The following NALCN variants were observed in gnomAD, a reference collection of about 807,000 sequenced individuals.
The protein encoded by NALCN is sodium leak channel NALCN.
A neutral mutation model predicts 225.3 loss-of-function variants in NALCN; 111 were observed. The ratio of observed to expected loss-of-function variants is 0.49; its 90% CI spans 0.42 to 0.58. The LOEUF (loss-of-function observed/expected upper bound fraction) is 0.58, where lower values mean the gene tolerates loss of function less well. Among genes scored for constraint, NALCN ranks in the 20% least tolerant of loss-of-function variants. The pLI is 0.00. For synonymous variants in NALCN, 764 were observed against 769.0 expected, an observed-to-expected ratio of 0.99 and a Z score of 0.11; for missense variants, 1,378 against 2,202.4, an observed-to-expected ratio of 0.63 and a Z score of 7.49.
At chr13:101,397,647 T>C (rs1487216234) in intron 2 of NALCN, among the ~76,000 whole-genome samples, 1 of 151,388 alleles carries the variant, frequency 6.6e-6, no homozygotes, top group Non-Finnish European at 1.5e-5. Flanking sequence ...TGTATGTGTA[T>C]ATAACATGTA....
chr13:101,416,008 C>A (rs1310777204), intron 1 of NALCN, among the ~76,000 whole-genome samples: 1 of 152,096 alleles, frequency 6.6e-6, no homozygotes, highest in Non-Finnish European at 1.5e-5. Flanking sequence ...AGGGGCATCC[C>A]GCGGCAGGCG....
Position 101,143,117 on chromosome 13 carries a change from C to T in NALCN, c.2081G>A (p.Arg694His). 1.2e-6 allele frequency: 2 copies of T among 1,614,082 alleles called. No homozygotes were observed. Among genetic ancestry groups the T allele is most frequent in the Non-Finnish European group, 1.7e-6 (2 of 1,180,026 alleles). Residue 694 changes from arginine (R) to histidine (H), a missense_variant, in exon 17 of 44, where the codon CGC becomes CAC. By Grantham distance (29) the Arg-to-His change is conservative. Around this residue, in one of 19 missense-constraint regions of NALCN, gnomAD observed 100 missense variants for 89.4 expected, o/e 1.12. Transcript: ENST00000251127. ...GTATTTGTTGTCCTCAATTGCTGAGCGTTTGGAGTGGTCGCAGGAGGAGGA... is the reference window on the plus strand; with the variant it reads ...GTATTTGTTGTCCTCAATTGCTGAGTGTTTGGAGTGGTCGCAGGAGGAGGA... ...TSSSSCDHSK[R>H]SAIEDNKYID... is the part of the protein sequence containing the mutation.
chr13:101,291,233 G>A lies in NALCN; in HGVS notation c.1047+757C>T, dbSNP rs567414308. On this transcript the variant is annotated intron_variant, in intron 9 of 43. Transcript: ENST00000251127. ...GATCTTTTTCATAGTTTATTGTACT[G>A]TGGTTTGTTCTGAATGAAATATATT... Among the ~76,000 whole-genome samples the A allele has an allele frequency of 1.2e-4, 18 of 152,300 alleles. 1 individual carries two copies. Among genetic ancestry groups the A allele is most frequent in the African/African-American group, 3.8e-4 (16 of 41,564 alleles).
At chr13:101,057,421 A>C (rs2031397811) in intron 43 of NALCN, 1 of 164,298 alleles carries the variant, frequency 6.1e-6, no homozygotes, top group Non-Finnish European at 1.3e-5. Flanking sequence ...ACTGGCATAC[A>C]GTGAGTACTA....
intron 6 of NALCN, among the ~76,000 whole-genome samples, chr13:101,347,506 A>C (rs2045778389): frequency 6.6e-6 from 1 of 152,190 alleles, no homozygotes; most frequent in African/African-American, 2.4e-5. Flanking sequence ...CAAATGATTC[A>C]TCTTTGCTTC....
At chr13:101,385,116 A>C (rs1251197381) in intron 3 of NALCN, among the ~76,000 whole-genome samples, 2 of 152,170 alleles carry the variant, frequency 1.3e-5, no homozygotes, top group East Asian at 1.9e-4. Context: ...TGATGCAGCC[A>C]GGTCTAGTTT....
At chr13:101,370,455 G>A (rs567520883) in intron 6 of NALCN, among the ~76,000 whole-genome samples, 3 of 152,228 alleles carry the variant, frequency 2.0e-5, no homozygotes, top group Non-Finnish European at 4.4e-5. Context: ...GCCCATGTGA[G>A]GCGGAAGACC....
chr13:101,290,508 C>A (rs142927314), intron 9 of NALCN, among the ~76,000 whole-genome samples: 63 of 152,274 alleles, frequency 4.1e-4, no homozygotes, highest in African/African-American at 1.5e-3. Flanking sequence ...TTCTTGAAGG[C>A]TTTTCTACAT....
intron 10 of NALCN, among the ~76,000 whole-genome samples, chr13:101,259,394 C>T (rs973336864): frequency 2.6e-5 from 4 of 151,902 alleles, no homozygotes; most frequent in South Asian, 2.1e-4. Flanking sequence ...AGTGCAGTGG[C>T]GTGATCTTGG....
At chr13:101,145,784 T>C (rs1339226254) in intron 15 of NALCN, among the ~76,000 whole-genome samples, 4 of 152,194 alleles carry the variant, frequency 2.6e-5, no homozygotes, top group African/African-American at 9.6e-5. Flanking sequence ...CCCTGTCTTC[T>C]GTCCCGGCTT....
chr13:101,363,759 G>T (rs1418034079), intron 6 of NALCN, among the ~76,000 whole-genome samples: 2 of 151,980 alleles, frequency 1.3e-5, no homozygotes, highest in African/African-American at 4.8e-5. Context: ...CAAAACTTCG[G>T]CACAGCAAAG....
At chr13:101,347,401 T>C (rs79844338) in intron 6 of NALCN, among the ~76,000 whole-genome samples, 3,114 of 152,264 alleles carry the variant, frequency 0.02, 116 homozygotes, top group African/African-American at 0.071. Flanking sequence ...AAGGCTCTAA[T>C]TGTGGAAATT....
chr13:101,310,521 C>A (rs2044303887), intron 7 of NALCN, among the ~76,000 whole-genome samples: 1 of 152,120 alleles, frequency 6.6e-6, no homozygotes, highest in Non-Finnish European at 1.5e-5. Context: ...TCATGGCCAC[C>A]TTATCTGAAA....
chr13:101,060,294 T>TTTTTTTTTA (rs1191589951), intron 41 of NALCN, among the ~76,000 whole-genome samples: 1 of 145,790 alleles, frequency 6.9e-6, no homozygotes, highest in African/African-American at 2.6e-5. Flanking sequence ...TTTTTTTTTT[T>TTTTTTTTTA]AGATAGGATC....
intron 37 of NALCN, among the ~76,000 whole-genome samples, chr13:101,072,189 C>T (rs538740741): frequency 2.0e-4 from 31 of 152,224 alleles, no homozygotes; most frequent in Admixed American, 5.9e-4. Context: ...TGATACAGAA[C>T]CAGAAAGTGA....
intron 11 of NALCN, among the ~76,000 whole-genome samples, chr13:101,247,215 A>C (rs2041922648): frequency 6.6e-6 from 1 of 152,192 alleles, no homozygotes; most frequent in Non-Finnish European, 1.5e-5. Flanking sequence ...CAACTACCCA[A>C]GGCTAAGACC....
chr13:101,245,979 G>T (rs1480200350), intron 11 of NALCN, among the ~76,000 whole-genome samples: 1 of 152,186 alleles, frequency 6.6e-6, no homozygotes, highest in African/African-American at 2.4e-5. Context: ...GAAACCTCTA[G>T]GGGGTATTTG....
At chr13:101,400,949 C>G (rs891741977) in intron 1 of NALCN, among the ~76,000 whole-genome samples, 1 of 152,266 alleles carries the variant, frequency 6.6e-6, no homozygotes, top group East Asian at 1.9e-4. Flanking sequence ...TTTCTCCTGC[C>G]GCCTTGTGAA....
At chr13:101,173,803 G>C (rs2038847312) in intron 15 of NALCN, among the ~76,000 whole-genome samples, 1 of 152,150 alleles carries the variant, frequency 6.6e-6, no homozygotes, top group Non-Finnish European at 1.5e-5. Flanking sequence ...TTAAGGACTG[G>C]ATTTGTACAT....
Sources: allele counts gnomAD v4.1 joint callset (sites outside exome capture counted in the v4.1 genomes callset), GRCh38; gene constraint gnomAD v4.1.1; regional missense constraint gnomAD v4.1.1; transcripts MANE v1.5; gene names NCBI Gene and HGNC (gene_info 2026-07-23, HGNC 2026-07-21).